NUBPL: variants seen among roughly 807,000 people sequenced by gnomAD.
NUBPL encodes the protein iron-sulfur cluster transfer protein NUBPL.
NUBPL carries 31 observed loss-of-function variants against 45.7 expected under a neutral mutation model. That is an observed-to-expected ratio of 0.68 (90% CI 0.51 to 0.92). NUBPL has a LOEUF of 0.92. NUBPL is among the 40% of genes least tolerant of loss of function. The pLI, the probability that NUBPL is intolerant of heterozygous loss-of-function variation, is 0.00. For synonymous variants in NUBPL, 144 were observed against 140.9 expected (o/e 1.02, Z -0.15); for missense variants, 401 against 398.7 (o/e 1.01, Z -0.05).
At chr14:31,680,985 T>C (rs1488981745) in intron 6 of NUBPL, among the ~76,000 whole-genome samples, 1 of 152,120 alleles carries the variant, frequency 6.6e-6, no homozygotes, top group Admixed American at 6.5e-5. Flanking sequence ...ACTTTTGCAA[T>C]AGTGTTTGTG....
chr14:31,645,214 C>T (rs891359507), intron 4 of NUBPL, among the ~76,000 whole-genome samples: 11 of 152,072 alleles, frequency 7.2e-5, no homozygotes, highest in East Asian at 1.9e-4. Context: ...TACAGGCGCC[C>T]GCCACCACAC....
chr14:31,666,079 A>G (rs1271924132), intron 4 of NUBPL, among the ~76,000 whole-genome samples: 2 of 150,640 alleles, frequency 1.3e-5, no homozygotes, highest in African/African-American at 4.9e-5. Context: ...TTTGCCTGGT[A>G]AATATTCCTC....
chr14:31,701,259 G>C (rs973120424), intron 6 of NUBPL, among the ~76,000 whole-genome samples: 1 of 151,658 alleles, frequency 6.6e-6, no homozygotes, highest in East Asian at 1.9e-4. Context: ...AGCTCATCTA[G>C]TGGGGACTTG....
At chr14:31,840,447 G>A (rs371844564) in intron 8 of NUBPL, among the ~76,000 whole-genome samples, 38 of 152,018 alleles carry the variant, frequency 2.5e-4, no homozygotes, top group Admixed American at 1.2e-3. Flanking sequence ...GGTGGCGGGC[G>A]CCTGTAGTCC....
chr14:31,785,605 T>C (rs558797680), intron 6 of NUBPL, among the ~76,000 whole-genome samples: 1 of 152,226 alleles, frequency 6.6e-6, no homozygotes, highest in Non-Finnish European at 1.5e-5. Flanking sequence ...TAGTAAGGGA[T>C]ACCTGTAGTT....
chr14:31,626,906 T>A (rs1224249397), intron 4 of NUBPL, among the ~76,000 whole-genome samples: 2 of 151,644 alleles, frequency 1.3e-5, no homozygotes, highest in Non-Finnish European at 2.9e-5. Context: ...GGAACCACAT[T>A]TCAGGGACAT....
chr14:31,631,741 G>A (rs1411512930), intron 4 of NUBPL, among the ~76,000 whole-genome samples: 1 of 152,080 alleles, frequency 6.6e-6, no homozygotes, highest in Non-Finnish European at 1.5e-5. Context: ...TAGGCAGAGA[G>A]TGAATTCTCC....
chr14:31,802,803 G>A (rs61994433), intron 7 of NUBPL, among the ~76,000 whole-genome samples: 57,201 of 151,796 alleles, frequency 0.38, 11,941 homozygotes, highest in South Asian at 0.47. Context: ...TTCCTATCTG[G>A]GCCCTGCTGA....
At chr14:31,684,001 T>G (rs2036897630) in intron 6 of NUBPL, among the ~76,000 whole-genome samples, 1 of 152,190 alleles carries the variant, frequency 6.6e-6, no homozygotes, top group Admixed American at 6.5e-5. Context: ...TTTCATAATT[T>G]CCTTGATATC....
intron 7 of NUBPL, among the ~76,000 whole-genome samples, chr14:31,812,535 T>A (rs2039829298): frequency 6.6e-6 from 1 of 152,212 alleles, no homozygotes; most frequent in Non-Finnish European, 1.5e-5. Flanking sequence ...CCCGGTACAG[T>A]CTGTCAGGGC....
chr14:31,587,503 G>A (rs17481352), intron 3 of NUBPL, among the ~76,000 whole-genome samples: 61,684 of 152,012 alleles, frequency 0.41, 14,154 homozygotes, highest in East Asian at 0.59. Flanking sequence ...CAGTAAGTAT[G>A]TGCATTTGAT....
At chr14:31,752,906 T>A (rs971954002) in intron 6 of NUBPL, among the ~76,000 whole-genome samples, 1 of 152,202 alleles carries the variant, frequency 6.6e-6, no homozygotes, top group Admixed American at 6.5e-5. Flanking sequence ...AGGGACTTTC[T>A]TCATATGGTG....
intron 3 of NUBPL, among the ~76,000 whole-genome samples, chr14:31,582,111 G>C (rs958826264): frequency 6.6e-6 from 1 of 152,038 alleles, no homozygotes; most frequent in Admixed American, 6.6e-5. Flanking sequence ...AAATAAATTA[G>C]TGTCAAGGTG....
intron 3 of NUBPL, among the ~76,000 whole-genome samples, chr14:31,567,320 C>T (rs144173753): frequency 1.3e-5 from 2 of 152,256 alleles, no homozygotes; most frequent in African/African-American, 4.8e-5. Flanking sequence ...GCTTAACCTG[C>T]GTGGGATTTG....
At chr14:31,817,611 T>C (rs1169653780) in intron 7 of NUBPL, among the ~76,000 whole-genome samples, 1 of 152,006 alleles carries the variant, frequency 6.6e-6, no homozygotes, top group Non-Finnish European at 1.5e-5. Flanking sequence ...AGAAATAAAA[T>C]CCTTTATAGA....
intron 6 of NUBPL, among the ~76,000 whole-genome samples, chr14:31,681,651 A>AT (rs893239728): frequency 1.2e-3 from 177 of 151,480 alleles, no homozygotes; most frequent in African/African-American, 4.0e-3. Flanking sequence ...ATTGATTTAA[A>AT]TTTTTTTTTA....
chr14:31,747,460 G>A (rs1303452272), intron 6 of NUBPL, among the ~76,000 whole-genome samples: 2 of 152,082 alleles, frequency 1.3e-5, no homozygotes, highest in Non-Finnish European at 2.9e-5. Flanking sequence ...TCTTTGATGC[G>A]AGACTTTTTA....
chr14:31,721,832 T>A (rs1331746051), intron 6 of NUBPL, among the ~76,000 whole-genome samples: 1 of 152,068 alleles, frequency 6.6e-6, no homozygotes, highest in East Asian at 1.9e-4. Context: ...TGTTCTCATC[T>A]CTTAGCTCCC....
In NUBPL at chr14:31,853,650, C is replaced by T. The variant is rs369468641; in HGVS notation, c.897+3449C>T. Among the ~76,000 whole-genome samples, 7 of 152,282 alleles carry T rather than the reference C, an allele frequency of 4.6e-5. No homozygotes were observed. The South Asian group carries it at 1.5e-3, about 32-fold the overall frequency. On this transcript the variant is annotated intron_variant, in intron 10 of 10. Transcript: ENST00000281081. Reference sequence around the variant, plus strand: ...ATGAATTGTGGTGAATTTAAGACATCATTGGAAATGTTGGAAGAGCTGTTA... The same window carrying T: ...ATGAATTGTGGTGAATTTAAGACATTATTGGAAATGTTGGAAGAGCTGTTA...
Sources: allele counts gnomAD v4.1 joint callset (sites outside exome capture counted in the v4.1 genomes callset), GRCh38; gene constraint gnomAD v4.1.1; transcripts MANE v1.5; gene names NCBI Gene and HGNC (gene_info 2026-07-23, HGNC 2026-07-21).